AAK1: variants seen among roughly 807,000 people sequenced by gnomAD.
AAK1 encodes the protein AP2 associated kinase 1, also known as AP2-associated protein kinase 1.
In AAK1, 37 loss-of-function variants were observed where a neutral mutation model predicts 116.0. The observed-to-expected ratio is 0.32, with a 90% CI of 0.25 to 0.42. AAK1 has a LOEUF of 0.42. Ranked by LOEUF, AAK1 falls within the 10% of genes least tolerant of loss-of-function variation. The pLI is 1.00. For synonymous variants in AAK1, 458 were observed against 439.9 expected, an observed-to-expected ratio of 1.04 and a Z score of -0.51; for missense variants, 919 against 1,170.6, an observed-to-expected ratio of 0.79 and a Z score of 3.14.
At chr2:69,502,634 T>A (rs912893296) in intron 16 of AAK1, among the ~76,000 whole-genome samples, 5 of 151,638 alleles carry the variant, frequency 3.3e-5, no homozygotes, top group African/African-American at 4.8e-5. Context: ...AATAAATAAA[T>A]AAAATAAAAA....
intron 2 of AAK1, among the ~76,000 whole-genome samples, chr2:69,587,279 A>G (rs1450350032): frequency 2.0e-5 from 3 of 149,900 alleles, no homozygotes; most frequent in African/African-American, 7.4e-5. Flanking sequence ...GTATATATAC[A>G]CACATGTATA....
At chr2:69,614,087 G>C (rs1674210350) in intron 2 of AAK1, among the ~76,000 whole-genome samples, 2 of 152,220 alleles carry the variant, frequency 1.3e-5, no homozygotes. Flanking sequence ...TGTCAGAAAT[G>C]TGAGTAGAGG....
chr2:69,577,308 A>C (rs903706611), intron 2 of AAK1, among the ~76,000 whole-genome samples: 6 of 152,210 alleles, frequency 3.9e-5, no homozygotes, highest in African/African-American at 1.4e-4. Context: ...CACTCATCAG[A>C]GACTCAAGGC....
intron 2 of AAK1, among the ~76,000 whole-genome samples, chr2:69,629,015 C>T (rs1675042466): frequency 2.0e-5 from 3 of 152,210 alleles, no homozygotes; most frequent in Admixed American, 2.0e-4. Flanking sequence ...CTTTTAAAAA[C>T]CATATCTTCT....
At chr2:69,584,918 C>T (rs1021938394) in intron 2 of AAK1, among the ~76,000 whole-genome samples, 1 of 152,122 alleles carries the variant, frequency 6.6e-6, no homozygotes, top group South Asian at 2.1e-4. Context: ...ATCACTGTTC[C>T]CTTTGCCCAA....
At chr2:69,489,428 G>C (rs1414523656) in intron 17 of AAK1, among the ~76,000 whole-genome samples, 8 of 147,688 alleles carry the variant, frequency 5.4e-5, no homozygotes, top group African/African-American at 2.0e-4. Flanking sequence ...TCCAGACTGG[G>C]CGACAGAGCG....
chr2:69,506,336 T>C (rs1676184052), intron 15 of AAK1, among the ~76,000 whole-genome samples: 1 of 152,188 alleles, frequency 6.6e-6, no homozygotes, highest in Admixed American at 6.5e-5. Context: ...TACTATGCCC[T>C]ATCTTCTGTT....
intron 2 of AAK1, among the ~76,000 whole-genome samples, chr2:69,584,937 C>T (rs6759804): frequency 0.37 from 56,642 of 151,996 alleles, 10,856 homozygotes; most frequent in East Asian, 0.61. Context: ...AACAACTACA[C>T]TGCCTTTCTT....
chr2:69,639,146 A>C (rs1178221121), intron 2 of AAK1, among the ~76,000 whole-genome samples: 1 of 152,200 alleles, frequency 6.6e-6, no homozygotes, highest in African/African-American at 2.4e-5. Flanking sequence ...ATAAATTAGA[A>C]AGCTGTTCTG....
rs781369219 is a variant in AAK1, at chr2:69,479,006, A to G, written c.2625T>C (p.Thr875=). The G allele has an allele frequency of 9.3e-6, 15 of 1,613,846 alleles. No homozygotes were observed. Residue 875 remains threonine (T), a synonymous_variant, in exon 20 of 22, where the codon ACT becomes ACC. Coordinates refer to ENST00000409085, the MANE Select transcript of AAK1 (RefSeq NM_014911.5). ...LLDCSLLSNP[T]TDLLEEFAPT... ...GGGCAAACTCTTCCAGAAGGTCAGTAGTAGGGTTAGAGAGCAGAGAGCAAT... is the reference window on the plus strand; with the variant it reads ...GGGCAAACTCTTCCAGAAGGTCAGTGGTAGGGTTAGAGAGCAGAGAGCAAT...
intron 20 of AAK1, among the ~76,000 whole-genome samples, chr2:69,477,722 C>T (rs1484174266): frequency 6.6e-6 from 1 of 152,202 alleles, no homozygotes; most frequent in Non-Finnish European, 1.5e-5. Context: ...TAGGTAACTT[C>T]CCTCTACATA....
At chr2:69,572,678 T>C (rs991419253) in intron 2 of AAK1, among the ~76,000 whole-genome samples, 14 of 151,574 alleles carry the variant, frequency 9.2e-5, no homozygotes, top group African/African-American at 3.4e-4. Context: ...TTACTGAGTC[T>C]TGAGTGCCCC....
intron 2 of AAK1, among the ~76,000 whole-genome samples, chr2:69,629,624 A>G (rs115127923): frequency 6.6e-6 from 1 of 152,342 alleles, no homozygotes; most frequent in African/African-American, 2.4e-5. Flanking sequence ...CGATTGGAAT[A>G]GGGATAAATA....
rs918962590 is a variant in AAK1, at chr2:69,482,494, T to C, written c.2467+217A>G. 1.8e-5 allele frequency: 12 copies of C among 654,932 alleles called. No individual in the cohort carries two copies. The African/African-American group carries it at 2.0e-4, about 11-fold the overall frequency. The allele number at this position is 654,932 out of a possible 1,614,324, so 40.6% of individuals were successfully genotyped here. A position where few individuals can be genotyped will look rare whatever the true frequency, so the allele number is the denominator to read the frequency against. ...CTCCTCATTCATAAGAGATCCACTC[T>C]AGAAATCTCCAGATATCAAGAAAGG... is the stretch of plus-strand genomic sequence containing the variant. On this transcript the variant is annotated intron_variant, in intron 18 of 21. Transcript: ENST00000409085.
At position 69,479,038 on chromosome 2, in the gene AAK1, G is replaced by A. The variant is rs768394039; in HGVS notation, c.2593C>T (p.Leu865=). The A allele has an allele frequency of 6.2e-7, 1 of 1,613,730 alleles. No homozygotes were observed. Among genetic ancestry groups the A allele is most frequent in the South Asian group, 1.1e-5 (1 of 91,072 alleles). The change falls in exon 20 of 22, where the codon CTG becomes TTG. Residue 865 remains leucine, a synonymous_variant. Coordinates refer to ENST00000409085, the MANE Select transcript of AAK1 (RefSeq NM_014911.5). ...RTDSLTGEDS[L]LDCSLLSNPT... is the part of the protein sequence containing the mutation. ...TTAGAGAGCAGAGAGCAATCAAGCA[G>A]GGAATCTTCCCCGGTGAGAGAATCT...
At chr2:69,493,966 T>C (rs1012083542) in intron 17 of AAK1, among the ~76,000 whole-genome samples, 5 of 152,162 alleles carry the variant, frequency 3.3e-5, no homozygotes, top group African/African-American at 1.2e-4. Context: ...CCACACCACT[T>C]AGGGCCTTGC....
chr2:69,570,657 T>C (rs886831992), intron 2 of AAK1, among the ~76,000 whole-genome samples: 5 of 152,182 alleles, frequency 3.3e-5, no homozygotes, highest in African/African-American at 1.2e-4. Flanking sequence ...CTTATTTATC[T>C]TGGAATCCTC....
At chr2:69,612,108 C>T (rs1047726270) in intron 2 of AAK1, among the ~76,000 whole-genome samples, 1 of 152,196 alleles carries the variant, frequency 6.6e-6, no homozygotes, top group African/African-American at 2.4e-5. Context: ...GAATGTACTG[C>T]ACGTTGTGCA....
At chr2:69,611,442 TA>T (rs1246183509) in intron 2 of AAK1, among the ~76,000 whole-genome samples, 1 of 152,220 alleles carries the variant, frequency 6.6e-6, no homozygotes, top group African/African-American at 2.4e-5. Context: ...ACTTCCTTGG[TA>T]AAACTTATAC....
Sources: allele counts gnomAD v4.1 joint callset (sites outside exome capture counted in the v4.1 genomes callset), GRCh38; gene constraint gnomAD v4.1.1; transcripts MANE v1.5; gene names NCBI Gene and HGNC (gene_info 2026-07-23, HGNC 2026-07-21).